Variants in OR2L13 observed in about 807,000 individuals in gnomAD.
OR2L13 encodes the protein olfactory receptor family 2 subfamily L member 13, also known as olfactory receptor 2L13.
OR2L13 carries 14 observed loss-of-function variants against 15.3 expected under a neutral mutation model. The ratio of observed to expected loss-of-function variants is 0.91; its 90% CI spans 0.60 to 1.43. The LOEUF is 1.43. OR2L13 is among the 40% of genes most tolerant of loss of function. The pLI, the probability that OR2L13 is intolerant of heterozygous loss-of-function variation, is 0.00. For synonymous variants in OR2L13, 152 were observed against 142.9 expected, an observed-to-expected ratio of 1.06 and a Z score of -0.45; for missense variants, 367 against 387.9, an observed-to-expected ratio of 0.95 and a Z score of 0.45.
At chr1:248,053,414 T>C in the OR2L13 span, among the ~76,000 whole-genome samples, 1 of 152,226 alleles carries the variant, frequency 6.6e-6, no homozygotes, top group African/African-American at 2.4e-5. Flanking sequence ...GCAATGAACA[T>C]ACACATGCCA....
the OR2L13 span, among the ~76,000 whole-genome samples, chr1:248,057,609 C>A: frequency 6.6e-6 from 1 of 152,088 alleles, no homozygotes; most frequent in African/African-American, 2.4e-5. Context: ...ACAGTATTAA[C>A]CCTTCCAATT....
the OR2L13 span, chr1:247,991,098 C>T: frequency 6.2e-7 from 1 of 1,601,992 alleles, no homozygotes; most frequent in South Asian, 1.1e-5. Flanking sequence ...CTGTCTTCTA[C>T]ACCATCCTCA....
the OR2L13 span, among the ~76,000 whole-genome samples, chr1:248,030,518 G>A: frequency 1.3e-5 from 2 of 152,266 alleles, no homozygotes; most frequent in South Asian, 4.2e-4. Flanking sequence ...GCTTTCATGG[G>A]CTCAAGTGAA....
the OR2L13 span, among the ~76,000 whole-genome samples, chr1:248,056,209 A>G: frequency 6.6e-6 from 1 of 151,880 alleles, no homozygotes; most frequent in Non-Finnish European, 1.5e-5. Flanking sequence ...TTTAGGGTAC[A>G]TGTGTACAAC....
chr1:248,089,635 G>A, the OR2L13 span, among the ~76,000 whole-genome samples: 9,303 of 152,158 alleles, frequency 0.061, 961 homozygotes, highest in African/African-American at 0.21. Flanking sequence ...AAATCACAGG[G>A]TACTTAGTTC....
chr1:248,005,295 C>A, the OR2L13 span, among the ~76,000 whole-genome samples: 45,729 of 151,726 alleles, frequency 0.3, 11,058 homozygotes, highest in African/African-American at 0.67. Flanking sequence ...CATCACATAC[C>A]CTCCATAATT....
At chr1:247,953,980 A>G in the OR2L13 span, among the ~76,000 whole-genome samples, 1 of 152,056 alleles carries the variant, frequency 6.6e-6, no homozygotes, top group Non-Finnish European at 1.5e-5. Flanking sequence ...TCTGTTTCTA[A>G]AAGTATAAAG....
chr1:248,049,609 C>G, the OR2L13 span, among the ~76,000 whole-genome samples: 1 of 152,114 alleles, frequency 6.6e-6, no homozygotes, highest in African/African-American at 2.4e-5. Context: ...TACAGTAAAA[C>G]TGGGTGATAC....
At chr1:248,066,550 G>A in the OR2L13 span, among the ~76,000 whole-genome samples, 1 of 152,248 alleles carries the variant, frequency 6.6e-6, no homozygotes, top group South Asian at 2.1e-4. Context: ...TGAATACGTG[G>A]ACCACACATG....
the OR2L13 span, among the ~76,000 whole-genome samples, chr1:247,966,685 C>T: frequency 1.3e-5 from 2 of 152,296 alleles, no homozygotes; most frequent in East Asian, 3.9e-4. Context: ...GACACTGTTA[C>T]AGACACTGGT....
At chr1:248,077,836 G>T in the OR2L13 span, among the ~76,000 whole-genome samples, 8 of 151,990 alleles carry the variant, frequency 5.3e-5, no homozygotes, top group Admixed American at 1.3e-4. Context: ...AATCCAATCA[G>T]ACTATGAGCA....
At chr1:248,080,082 A>C in the OR2L13 span, among the ~76,000 whole-genome samples, 1 of 152,268 alleles carries the variant, frequency 6.6e-6, no homozygotes, top group East Asian at 1.9e-4. Flanking sequence ...GAAGAGACAA[A>C]AGGAAGACAT....
At chr1:248,085,436 T>TAAAATAATAA in the OR2L13 span, among the ~76,000 whole-genome samples, 968 of 84,542 alleles carry the variant, frequency 0.011, 68 homozygotes, top group African/African-American at 0.041. Context: ...TAAAATAAAA[T>TAAAATAATAA]AATAAAATAA....
the OR2L13 span, among the ~76,000 whole-genome samples, chr1:247,971,015 T>TA: frequency 1.1e-4 from 16 of 152,144 alleles, no homozygotes; most frequent in African/African-American, 3.9e-4. Flanking sequence ...ACTATATAGA[T>TA]ACGGTAATTT....
the OR2L13 span, among the ~76,000 whole-genome samples, chr1:247,940,456 A>T: frequency 4.3e-3 from 649 of 152,312 alleles, 11 homozygotes; most frequent in African/African-American, 0.015. Context: ...ATCATAAAGT[A>T]TTTAACAAAA....
chr1:247,945,982 A>T, the OR2L13 span, among the ~76,000 whole-genome samples: 1 of 152,126 alleles, frequency 6.6e-6, no homozygotes, highest in Non-Finnish European at 1.5e-5. Flanking sequence ...TCGATAAATA[A>T]ATATGTAGGA....
chr1:247,988,282 T>A, the OR2L13 span, among the ~76,000 whole-genome samples: 1 of 152,084 alleles, frequency 6.6e-6, no homozygotes, highest in African/African-American at 2.4e-5. Flanking sequence ...GTTTTCTTTT[T>A]TCCTTCTGAT....
the OR2L13 span, among the ~76,000 whole-genome samples, chr1:247,950,588 T>C: frequency 2.0e-5 from 3 of 152,202 alleles, no homozygotes; most frequent in South Asian, 6.2e-4. Flanking sequence ...GAAGAGACTG[T>C]CAGTTTCCCA....
the OR2L13 span, chr1:247,990,481 A>G: frequency 1.3e-6 from 2 of 1,576,636 alleles, no homozygotes; most frequent in Admixed American, 1.7e-5. Context: ...GACCTAAATT[A>G]TATTTCCACC....
Sources: gnomAD v4.1 joint callset for allele counts (sites outside exome capture counted in the v4.1 genomes callset) on GRCh38, gnomAD v4.1.1 for gene constraint, MANE v1.5 for transcripts, NCBI Gene and HGNC (gene_info 2026-07-23, HGNC 2026-07-21) for gene names.